Variants in OSBPL1A observed in about 807,000 individuals in gnomAD.
OSBPL1A encodes oxysterol-binding protein-related protein 1.
In OSBPL1A, 80 loss-of-function variants were observed where a neutral mutation model predicts 137.1. The ratio of observed to expected loss-of-function variants is 0.58; its 90% confidence interval spans 0.49 to 0.70. The LOEUF (loss-of-function observed/expected upper bound fraction) is 0.70. Ranked by LOEUF, OSBPL1A falls within the 30% of genes least tolerant of loss-of-function variation. The pLI, the probability that OSBPL1A is intolerant of heterozygous loss-of-function variation, is 0.00. For missense variants in OSBPL1A, 970 were observed against 1,129.4 expected (o/e 0.86, Z 2.02); for synonymous variants, 365 against 389.7 (o/e 0.94, Z 0.75).
chr18:24,206,707 G>A (rs1410706259), intron 17 of OSBPL1A, among the ~76,000 whole-genome samples: 1 of 152,100 alleles, frequency 6.6e-6, no homozygotes, highest in Non-Finnish European at 1.5e-5. Context: ...CCAGCCTTGG[G>A]GAATGATCTC....
intron 17 of OSBPL1A, among the ~76,000 whole-genome samples, chr18:24,210,092 A>C (rs2087487810): frequency 2.0e-5 from 3 of 152,200 alleles, no homozygotes; most frequent in South Asian, 2.1e-4. Flanking sequence ...AGCATTTCTC[A>C]AACTTTTGGT....
chr18:24,266,876 T>G (rs275880), intron 15 of OSBPL1A, among the ~76,000 whole-genome samples: 6 of 151,932 alleles, frequency 3.9e-5, no homozygotes, highest in Admixed American at 2.0e-4. Flanking sequence ...ATTATCCAGG[T>G]TCAAAAGACA....
chr18:24,390,511 C>T (rs892407205), intron 1 of OSBPL1A, among the ~76,000 whole-genome samples: 1 of 150,324 alleles, frequency 6.7e-6, no homozygotes, highest in African/African-American at 2.4e-5. Context: ...GGCCAACAGA[C>T]CACGGAAACC....
chr18:24,354,748 CAAAAAAAAAAAAAA>C (rs59694707), intron 4 of OSBPL1A, among the ~76,000 whole-genome samples: 1 of 77,074 alleles, frequency 1.3e-5, no homozygotes, highest in Non-Finnish European at 2.5e-5. Flanking sequence ...CTCAATATAG[CAAAAAAAAAAAAAA>C]AAAAAAAAAA....
At chr18:24,312,828 T>G (rs1242938306) in intron 12 of OSBPL1A, among the ~76,000 whole-genome samples, 1 of 152,186 alleles carries the variant, frequency 6.6e-6, no homozygotes, top group Non-Finnish European at 1.5e-5. Context: ...CTATGAACAC[T>G]GCTTTGATTT....
chr18:24,285,914 T>C (rs1334031633), intron 14 of OSBPL1A, among the ~76,000 whole-genome samples: 2 of 152,182 alleles, frequency 1.3e-5, no homozygotes, highest in Non-Finnish European at 1.5e-5. Flanking sequence ...CCCAGCACTT[T>C]GGGAGGCCGA....
chr18:24,353,721 T>C (rs1416520054), intron 4 of OSBPL1A, among the ~76,000 whole-genome samples: 3 of 151,780 alleles, frequency 2.0e-5, no homozygotes, highest in Non-Finnish European at 4.4e-5. Flanking sequence ...ATATACACCA[T>C]GGAATACTAT....
intron 16 of OSBPL1A, among the ~76,000 whole-genome samples, chr18:24,235,876 G>C (rs747961875): frequency 6.6e-6 from 1 of 152,168 alleles, no homozygotes; most frequent in Admixed American, 6.5e-5. Flanking sequence ...ATTGAGATGG[G>C]GAGATTATAC....
chr18:24,314,292 T>A lies in OSBPL1A; in HGVS notation c.926A>T (p.His309Leu). Residue 309 changes from histidine to leucine, a missense_variant, in exon 12 of 28, where the codon CAT (histidine) becomes CTT (leucine). Transcript: ENST00000319481. Reference sequence around the variant, plus strand: ...GCTATTCTTAGGAACCCGGAAGCCATGAATGGTGTCATCAAAGCATTTAAT... The same window carrying A: ...GCTATTCTTAGGAACCCGGAAGCCAAGAATGGTGTCATCAAAGCATTTAAT... ...FFIKCFDDTI[H>L]GFRVPKNSLQ... The A allele has an allele frequency of 6.2e-7, 1 of 1,612,038 alleles. No homozygotes were observed. The highest frequency in any genetic ancestry group is 2.2e-5 in the East Asian group (1 of 44,834).
At chr18:24,212,548 A>G (rs2087576632) in intron 17 of OSBPL1A, among the ~76,000 whole-genome samples, 1 of 152,180 alleles carries the variant, frequency 6.6e-6, no homozygotes, top group Non-Finnish European at 1.5e-5. Context: ...TTCTCTTAAC[A>G]TTTAAATCTG....
Position 24,167,479 on chromosome 18 carries a change from A to G in OSBPL1A, c.2419-34T>C, listed in dbSNP as rs781607352. On this transcript the variant is annotated intron_variant, in intron 24 of 27. Coordinates refer to ENST00000319481, the MANE Select transcript of OSBPL1A (RefSeq NM_080597.4). ...ACCAATCAATGAACAAAATTTAAGT[A>G]GAAAGTTTTAAGATACAGTCAAGCA... 10 of 1,567,058 alleles carry G rather than the reference A, an allele frequency of 6.4e-6. No homozygotes were observed. The South Asian group carries it at 1.1e-4, about 17-fold the overall frequency.
At chr18:24,389,704 G>T (rs28575023) in intron 1 of OSBPL1A, among the ~76,000 whole-genome samples, 22,542 of 152,062 alleles carry the variant, frequency 0.15, 2,404 homozygotes, top group East Asian at 0.45. Flanking sequence ...ATTTTGGGAG[G>T]CCAGGGAGGG....
chr18:24,380,598 CCTGG>C, intron 1 of OSBPL1A, among the ~76,000 whole-genome samples: 1 of 152,358 alleles, frequency 6.6e-6, no homozygotes, highest in South Asian at 2.1e-4. Flanking sequence ...AAGCCACCAG[CCTGG>C]CTAAGGCCTG....
At chr18:24,370,128 G>A (rs145509495) in intron 2 of OSBPL1A, among the ~76,000 whole-genome samples, 10 of 152,300 alleles carry the variant, frequency 6.6e-5, no homozygotes, top group Non-Finnish European at 1.2e-4. Flanking sequence ...AGGCTAAGGC[G>A]GAGGATCACC....
intron 22 of OSBPL1A, 147 bp downstream of exon 22, chr18:24,172,229 G>A (rs190384922): frequency 5.4e-5 from 33 of 606,160 alleles, no homozygotes; most frequent in African/African-American, 4.1e-4. Context: ...GTGAGCCACC[G>A]CGCCCAGATA....
At chr18:24,204,030 C>T (rs1216472655) in intron 17 of OSBPL1A, among the ~76,000 whole-genome samples, 1 of 152,172 alleles carries the variant, frequency 6.6e-6, no homozygotes, top group African/African-American at 2.4e-5. Context: ...AAATCTGATG[C>T]CTTCATTTTA....
chr18:24,376,313 G>C (rs112416795), intron 2 of OSBPL1A, among the ~76,000 whole-genome samples: 1,757 of 152,294 alleles, frequency 0.012, 36 homozygotes, highest in African/African-American at 0.041. Context: ...TGGACACAAA[G>C]GTTCTCCAAG....
chr18:24,186,007 A>G (rs2086737426), intron 18 of OSBPL1A, among the ~76,000 whole-genome samples: 1 of 152,154 alleles, frequency 6.6e-6, no homozygotes, highest in Non-Finnish European at 1.5e-5. Flanking sequence ...GATCAAGGCT[A>G]TAGTGAATCA....
At chr18:24,353,619 G>T (rs1364202690) in intron 4 of OSBPL1A, among the ~76,000 whole-genome samples, 1 of 151,004 alleles carries the variant, frequency 6.6e-6, no homozygotes, top group African/African-American at 2.4e-5. Context: ...ACATGCACAT[G>T]TATGTTTATT....
Sources: allele counts gnomAD v4.1 joint callset (sites outside exome capture counted in the v4.1 genomes callset), GRCh38; gene constraint gnomAD v4.1.1; transcripts MANE v1.5; gene names NCBI Gene and HGNC (gene_info 2026-07-23, HGNC 2026-07-21).